SPRR2B: variants seen among roughly 807,000 people sequenced by gnomAD.
SPRR2B encodes small proline-rich protein 2B.
In SPRR2B, 1 loss-of-function variant was observed where a neutral mutation model predicts 1.0. The observed-to-expected ratio is 1.01, with a 90% CI of 0.36 to 4.77. The LOEUF (loss-of-function observed/expected upper bound fraction) is 4.77, where lower values mean the gene tolerates loss of function less well. Ranked by LOEUF, SPRR2B falls within the 30% of genes most tolerant of loss-of-function variation. SPRR2B has a pLI of 0.16. For synonymous variants in SPRR2B, 27 were observed against 33.4 expected, an observed-to-expected ratio of 0.81 and a Z score of 0.66; for missense variants, 53 against 88.7, an observed-to-expected ratio of 0.60 and a Z score of 1.62.
the SPRR2B span, among the ~76,000 whole-genome samples, chr1:153,077,029 G>A: frequency 3.3e-5 from 5 of 152,168 alleles, no homozygotes; most frequent in South Asian, 6.2e-4. Context: ...CTCCAAGTTC[G>A]ATGAGTTCAG....
At chr1:153,083,464 G>A in the SPRR2B span, among the ~76,000 whole-genome samples, 6 of 152,230 alleles carry the variant, frequency 3.9e-5, no homozygotes, top group Admixed American at 1.3e-4. Flanking sequence ...CTGTGGCTCT[G>A]GGCAAGATGG....
At chr1:153,083,775 T>C in the SPRR2B span, among the ~76,000 whole-genome samples, 1 of 152,154 alleles carries the variant, frequency 6.6e-6, no homozygotes, top group Non-Finnish European at 1.5e-5. Flanking sequence ...GACACTCCAG[T>C]TGGCAGGCAG....
At chr1:153,073,562 G>T (rs1378518683), upstream of SPRR2B, among the ~76,000 whole-genome samples, 1 of 152,060 alleles carries the variant, frequency 6.6e-6, no homozygotes, top group Non-Finnish European at 1.5e-5. Flanking sequence ...AGTTGAGATG[G>T]TGAACTGGAA....
chr1:153,082,592 C>A, the SPRR2B span, among the ~76,000 whole-genome samples: 5 of 151,980 alleles, frequency 3.3e-5, no homozygotes, highest in African/African-American at 1.2e-4. Context: ...GGAAATTAAA[C>A]AACGCACTCT....
the SPRR2B span, among the ~76,000 whole-genome samples, chr1:153,082,684 C>A: frequency 6.6e-6 from 1 of 151,804 alleles, no homozygotes; most frequent in African/African-American, 2.4e-5. Context: ...CACATCATAC[C>A]AAACTTATGG....
the SPRR2B span, among the ~76,000 whole-genome samples, chr1:153,087,237 G>T: frequency 6.6e-6 from 1 of 151,914 alleles, no homozygotes; most frequent in African/African-American, 2.4e-5. Flanking sequence ...TCGAGATCAC[G>T]CTACTGCAAT....
At chr1:153,084,711 G>A in the SPRR2B span, among the ~76,000 whole-genome samples, 4 of 152,074 alleles carry the variant, frequency 2.6e-5, no homozygotes, top group Non-Finnish European at 5.9e-5. Flanking sequence ...CACTGCTCTT[G>A]ACACATACAA....
chr1:153,073,981 T>C (rs911149648), upstream of SPRR2B, among the ~76,000 whole-genome samples: 1 of 152,238 alleles, frequency 6.6e-6, no homozygotes, highest in African/African-American at 2.4e-5. Context: ...TGTGTGTTCA[T>C]AATGCTATGA....
upstream of SPRR2B, among the ~76,000 whole-genome samples, chr1:153,072,100 T>A (rs945658638): frequency 4.6e-5 from 7 of 152,182 alleles, no homozygotes; most frequent in African/African-American, 1.7e-4. Context: ...CAGAGAAGCA[T>A]CATATCTACC....
chr1:153,070,658 G>T lies in SPRR2B; in HGVS notation c.182C>A (p.Pro61Gln), dbSNP rs759639118. The T allele has an allele frequency of 1.9e-6, 3 of 1,612,216 alleles. No individual in the cohort carries two copies. Among genetic ancestry groups the T allele is most frequent in the Non-Finnish European group, 2.5e-6 (3 of 1,179,792 alleles). ...CGGTGGATACTTTGGCTGGCAGGGTGGGGAAGGTGTCACAGGAGGATATTT... is the reference window on the plus strand; with the variant it reads ...CGGTGGATACTTTGGCTGGCAGGGTTGGGAAGGTGTCACAGGAGGATATTT... ...QQKYPPVTPS[P>Q]PCQPKYPPKS... The change falls in exon 2 of 2, where the codon CCA (proline) becomes CAA (glutamine). Residue 61 changes from proline (P) to glutamine (Q), a missense_variant. Transcript: ENST00000368755.
upstream of SPRR2B, among the ~76,000 whole-genome samples, chr1:153,075,113 A>C (rs1301275087): frequency 1.3e-5 from 2 of 152,176 alleles, no homozygotes; most frequent in Admixed American, 6.5e-5. Flanking sequence ...CGGGAGACCA[A>C]CGTGGGTTGA....
chr1:153,078,915 T>C, the SPRR2B span, among the ~76,000 whole-genome samples: 6 of 152,328 alleles, frequency 3.9e-5, no homozygotes, highest in East Asian at 1.2e-3. Context: ...ATTTCTAGTT[T>C]TAGATCCCTG....
chr1:153,087,438 A>G, the SPRR2B span, among the ~76,000 whole-genome samples: 1 of 152,278 alleles, frequency 6.6e-6, no homozygotes, highest in Non-Finnish European at 1.5e-5. Context: ...ACAAAAAACC[A>G]TTCAAAAGAT....
chr1:153,083,444 C>G, the SPRR2B span, among the ~76,000 whole-genome samples: 1 of 152,088 alleles, frequency 6.6e-6, no homozygotes, highest in African/African-American at 2.4e-5. Flanking sequence ...TTTAGCATAC[C>G]AGATCATTCC....
upstream of SPRR2B, among the ~76,000 whole-genome samples, chr1:153,074,662 G>C (rs1654738744): frequency 6.6e-6 from 1 of 152,180 alleles, no homozygotes; most frequent in Non-Finnish European, 1.5e-5. Context: ...GGAAACATAT[G>C]AAACAATATA....
Position 153,070,627 on chromosome 1 carries a change from G to T in SPRR2B, c.213C>A (p.Ser71Arg). ...CTGATGAATCCTGAAGCTGTTACTT[G>T]CTCTTCGGTGGATACTTTGGCTGGC... ...PPCQPKYPPK[S>R]K Residue 71 changes from serine to arginine, a missense_variant, in exon 2 of 2, where the codon AGC (serine) becomes AGA (arginine). By Grantham distance (110) the Ser-to-Arg change is moderately radical. Transcript: ENST00000368755. 6.2e-7 allele frequency: 1 copy of T among 1,612,030 alleles called. No individual in the cohort carries two copies. Among genetic ancestry groups the T allele is most frequent in the Non-Finnish European group, 8.5e-7 (1 of 1,179,736 alleles).
the SPRR2B span, among the ~76,000 whole-genome samples, chr1:153,078,730 A>G: frequency 6.6e-6 from 1 of 152,196 alleles, no homozygotes. Flanking sequence ...TCCATGGTGT[A>G]TATGTGCCAC....
the SPRR2B span, among the ~76,000 whole-genome samples, chr1:153,083,423 A>C: frequency 6.6e-6 from 1 of 152,082 alleles, no homozygotes; most frequent in African/African-American, 2.4e-5. Context: ...TGCACAAAAG[A>C]CTCAAAAACA....
the SPRR2B span, among the ~76,000 whole-genome samples, chr1:153,086,755 C>A: frequency 1.3e-5 from 2 of 152,170 alleles, no homozygotes; most frequent in Admixed American, 1.3e-4. Flanking sequence ...CAACTGTTCA[C>A]CTAAAAACAA....
Sources: allele counts gnomAD v4.1 joint callset (sites outside exome capture counted in the v4.1 genomes callset), GRCh38; gene constraint gnomAD v4.1.1; transcripts MANE v1.5; gene names NCBI Gene and HGNC (gene_info 2026-07-23, HGNC 2026-07-21).